The following CRYZL1 variants were observed in gnomAD, a reference collection of about 807,000 sequenced individuals.
CRYZL1 encodes ferry endosomal RAB5 effector complex subunit 4.
Under a neutral mutation model 50.6 loss-of-function variants are expected in CRYZL1, and 34 were observed. That is an observed-to-expected ratio of 0.67 (90% CI 0.51 to 0.89). The LOEUF is 0.89. Among genes scored for constraint, CRYZL1 ranks in the 40% least tolerant of loss-of-function variants. The pLI, the probability that CRYZL1 is intolerant of heterozygous loss-of-function variation, is 0.00. For synonymous variants in CRYZL1, 125 were observed against 134.3 expected (o/e 0.93, Z 0.48); for missense variants, 354 against 402.3 (o/e 0.88, Z 1.03).
intron 4 of CRYZL1, among the ~76,000 whole-genome samples, chr21:33,620,535 G>T (rs574212212): frequency 6.6e-6 from 1 of 152,022 alleles, no homozygotes; most frequent in South Asian, 2.1e-4. Context: ...AAGGGGCCAG[G>T]GATGGTGGCT....
chr21:33,603,334 TG>T lies in CRYZL1; in HGVS notation c.465+69del. On this transcript the variant is annotated intron_variant, in intron 7 of 12. Coordinates refer to ENST00000381554, the MANE Select transcript of CRYZL1 (RefSeq NM_145858.3). ...GCAAAGAATTATATTAGCAAATGGA[TG>T]GCTCATTGCTAAATTTCCTAAGTTT... is the stretch of plus-strand genomic sequence containing the variant. 1.9e-6 allele frequency: 3 copies of T among 1,554,770 alleles called. No homozygotes were observed. In the East Asian group the frequency reaches 6.8e-5, roughly 35 times the overall value.
rs557302061 is a variant in CRYZL1 at position 33,635,619 on chromosome 21, G to T, written c.-6-4062C>A. Reference sequence around the variant, plus strand: ...TCCGCCTGCCTCGGCCTCCCAAAGTGCTGGGATTATAGGCGTGAGCCACCG... The same window carrying T: ...TCCGCCTGCCTCGGCCTCCCAAAGTTCTGGGATTATAGGCGTGAGCCACCG... On this transcript the variant is annotated intron_variant, in intron 1 of 12. Transcript: ENST00000381554. Among the ~76,000 whole-genome samples, 3 of 151,658 alleles carry T rather than the reference G, an allele frequency of 2.0e-5. No individual in the cohort carries two copies. In the South Asian group the frequency reaches 6.2e-4, roughly 31 times the overall value.
intron 6 of CRYZL1, among the ~76,000 whole-genome samples, chr21:33,604,122 C>T (rs1203006132): frequency 1.3e-5 from 2 of 152,026 alleles, no homozygotes; most frequent in Non-Finnish European, 2.9e-5. Context: ...AATCCTAGCA[C>T]TTTGGGAGGC....
At chr21:33,623,682 A>G (rs1340063953) in intron 3 of CRYZL1, among the ~76,000 whole-genome samples, 1 of 152,188 alleles carries the variant, frequency 6.6e-6, no homozygotes, top group African/African-American at 2.4e-5. Flanking sequence ...GAAGACTTTT[A>G]GGTTCCTAAA....
chr21:33,595,608 G>C (rs2086685572), intron 11 of CRYZL1, 123 bp downstream of exon 11: 1 of 1,472,404 alleles, frequency 6.8e-7, no homozygotes, highest in Non-Finnish European at 9.3e-7. Context: ...AAGGCACTTG[G>C]AATACTGTTT....
At chr21:33,632,974 T>C (rs554377765) in intron 1 of CRYZL1, among the ~76,000 whole-genome samples, 2 of 152,342 alleles carry the variant, frequency 1.3e-5, no homozygotes, top group East Asian at 3.9e-4. Flanking sequence ...TTTTGAACTT[T>C]ATATAAATAA....
chr21:33,602,229 C>G lies in CRYZL1; in HGVS notation c.577+5G>C, dbSNP rs1434517068. 2.1e-6 allele frequency: 3 copies of G among 1,460,982 alleles called. No individual in the cohort carries two copies. The allele number at this position is 1,460,982 out of a possible 1,614,324, so 90.5% of individuals were successfully genotyped here. On this transcript the variant is annotated splice_donor_5th_base_variant and intron_variant, in intron 8 of 12. Transcript: ENST00000381554. ...TTTAAAGTCTGTGCTCATAATATTACCCACCTATGGGAGGTCTGAATCTTT... is the reference window on the plus strand; with the variant it reads ...TTTAAAGTCTGTGCTCATAATATTAGCCACCTATGGGAGGTCTGAATCTTT...
At chr21:33,603,148 G>C (rs1569084375) in intron 7 of CRYZL1, 1 of 403,998 alleles carries the variant, frequency 2.5e-6, no homozygotes, top group Non-Finnish European at 4.5e-6. Context: ...CTTAGGCTTT[G>C]TCTAACAGGA....
chr21:33,615,205 T>C (rs1172160461), intron 5 of CRYZL1, among the ~76,000 whole-genome samples: 1 of 147,380 alleles, frequency 6.8e-6, no homozygotes, highest in Non-Finnish European at 1.5e-5. Flanking sequence ...CAGGCTGGAG[T>C]ACAGTGGTGT....
intron 8 of CRYZL1, 119 bp from the exon 9 acceptor site, chr21:33,599,367 T>A (rs1424208568): frequency 7.5e-7 from 1 of 1,337,862 alleles, no homozygotes; most frequent in African/African-American, 1.5e-5. Flanking sequence ...GTTAAGCAAT[T>A]CAAACAATTA....
At chr21:33,634,906 A>T (rs1424053217) in intron 1 of CRYZL1, among the ~76,000 whole-genome samples, 4 of 148,738 alleles carry the variant, frequency 2.7e-5, no homozygotes, top group Non-Finnish European at 6.0e-5. Flanking sequence ...TATATATATA[A>T]AATAATGGCA....
At position 33,640,614 on chromosome 21, in the gene CRYZL1, C is replaced by T. The variant is rs118070081; in HGVS notation, c.-7+1067G>A. ...TTGACTATTATTTCTGTAAATTGGG[C>T]ACATCTCAATTACAGAGAATCTCTA... On this transcript the variant is annotated intron_variant, in intron 1 of 12. Coordinates refer to ENST00000381554, the MANE Select transcript of CRYZL1 (RefSeq NM_145858.3). 3.3e-5 allele frequency among the ~76,000 whole-genome samples: 5 copies of T among 152,238 alleles called. No homozygotes were observed. The East Asian group carries it at 9.6e-4, about 29-fold the overall frequency.
intron 12 of CRYZL1, among the ~76,000 whole-genome samples, chr21:33,590,623 C>A (rs2086634952): frequency 6.6e-6 from 1 of 152,020 alleles, no homozygotes; most frequent in Non-Finnish European, 1.5e-5. Context: ...GCCATGTTGG[C>A]CAGGCTGGTC....
chr21:33,611,971 C>A (rs1185078920), intron 6 of CRYZL1, among the ~76,000 whole-genome samples: 1 of 152,152 alleles, frequency 6.6e-6, no homozygotes, highest in Non-Finnish European at 1.5e-5. Flanking sequence ...ATATGTTTAG[C>A]TCTTACTCAT....
intron 1 of CRYZL1, among the ~76,000 whole-genome samples, chr21:33,637,729 G>C (rs958594029): frequency 7.1e-6 from 1 of 141,772 alleles, no homozygotes; most frequent in Non-Finnish European, 1.5e-5. Context: ...GGAAAGCAAA[G>C]ATATATATAA....
chr21:33,592,099 ATTTTTTTTG>A (rs2086649896), intron 11 of CRYZL1, among the ~76,000 whole-genome samples: 1 of 142,466 alleles, frequency 7.0e-6, no homozygotes. Flanking sequence ...TGGTTATGCT[ATTTTTTTTG>A]TTTTTTTTAT....
At chr21:33,596,020 C>A (rs779203075) in intron 10 of CRYZL1, 184 bp from the exon 11 acceptor site, 1 of 613,890 alleles carries the variant, frequency 1.6e-6, no homozygotes, top group Non-Finnish European at 3.0e-6. Flanking sequence ...GATGAAACAG[C>A]GAGGTGATAA....
intron 1 of CRYZL1, chr21:33,639,970 C>G (rs143668070): frequency 2.3e-6 from 1 of 443,486 alleles, no homozygotes; most frequent in African/African-American, 2.1e-5. Context: ...GAATTACAGG[C>G]GTGCACCACC....
At chr21:33,604,389 C>T (rs1168947859) in intron 6 of CRYZL1, among the ~76,000 whole-genome samples, 3 of 125,578 alleles carry the variant, frequency 2.4e-5, no homozygotes, top group Non-Finnish European at 4.9e-5. Flanking sequence ...AGTAGCCAGG[C>T]GTGGTGGCAG....
Sources: allele counts gnomAD v4.1 joint callset (sites outside exome capture counted in the v4.1 genomes callset), GRCh38; gene constraint gnomAD v4.1.1; transcripts MANE v1.5; gene names NCBI Gene and HGNC (gene_info 2026-07-23, HGNC 2026-07-21).